The following FMN2 variants were observed in gnomAD, a reference collection of about 807,000 sequenced individuals.
FMN2 encodes formin 2.
In FMN2, 51 loss-of-function variants were observed where a neutral mutation model predicts 142.3. The observed-to-expected ratio is 0.36, with a 90% CI of 0.29 to 0.45. The LOEUF (loss-of-function observed/expected upper bound fraction) is 0.45. Among genes scored for constraint, FMN2 ranks in the 20% least tolerant of loss-of-function variants. FMN2 has a pLI of 1.00. For synonymous variants in FMN2, 882 were observed against 869.8 expected (o/e 1.01, Z -0.25); for missense variants, 1,936 against 2,122.8 (o/e 0.91, Z 1.73).
At chr1:240,130,512 C>T (rs867222714) in intron 2 of FMN2, among the ~76,000 whole-genome samples, 1 of 152,282 alleles carries the variant, frequency 6.6e-6, no homozygotes, top group Middle Eastern at 3.4e-3. Flanking sequence ...CTGTGTTGGC[C>T]AGGCTGGTCT....
At chr1:240,451,879 T>C (rs909218148) in intron 16 of FMN2, among the ~76,000 whole-genome samples, 11 of 152,086 alleles carry the variant, frequency 7.2e-5, no homozygotes, top group African/African-American at 2.7e-4. Context: ...TGTTTTATAA[T>C]GGACATCTAA....
chr1:240,091,937 C>T lies in FMN2; in HGVS notation c.-173C>T. The T allele has an allele frequency of 8.9e-7, 1 of 1,126,640 alleles. No individual in the cohort carries two copies. The highest frequency in any genetic ancestry group is 1.2e-6 in the Non-Finnish European group (1 of 850,634). 69.8% of individuals were successfully genotyped at this position (1,126,640 alleles called of 1,614,324 possible). On this transcript the variant is annotated 5_prime_UTR_variant, in exon 1 of 18. Coordinates refer to ENST00000319653, the MANE Select transcript of FMN2 (RefSeq NM_020066.5). ...GGGAGCCGCCGCGCATTATGCAAAG[C>T]GGCGGCAGATGCGAGCGGGGCCAGC...
At chr1:240,394,868 T>C (rs1673722370) in intron 15 of FMN2, among the ~76,000 whole-genome samples, 2 of 152,062 alleles carry the variant, frequency 1.3e-5, no homozygotes, top group Admixed American at 1.3e-4. Context: ...CTCAGAAGGC[T>C]GAGGCAGGAG....
At chr1:240,137,498 C>T (rs1454475170) in intron 2 of FMN2, among the ~76,000 whole-genome samples, 1 of 152,208 alleles carries the variant, frequency 6.6e-6, no homozygotes, top group Non-Finnish European at 1.5e-5. Context: ...TGGCTAGCCC[C>T]TGCTCTATAC....
Position 240,184,646 on chromosome 1 carries a change from T to C in FMN2, c.1931-3561T>C, listed in dbSNP as rs184605921. ...GGTTAGTCTTTGAAAATAATAACCA[T>C]TCTAGTGATGAATATTCGATGGAGA... On this transcript the variant is annotated intron_variant, in intron 3 of 17. Transcript: ENST00000319653. Among the ~76,000 whole-genome samples, 261 of 151,690 alleles carry C rather than the reference T, an allele frequency of 1.7e-3. 1 individual carries two copies. Among genetic ancestry groups the C allele is most frequent in the Admixed American group, 4.7e-3 (72 of 15,162 alleles).
intron 6 of FMN2, among the ~76,000 whole-genome samples, chr1:240,232,495 C>G (rs1667561770): frequency 6.6e-6 from 1 of 152,168 alleles, no homozygotes; most frequent in Non-Finnish European, 1.5e-5. Flanking sequence ...ATGTCAGCTT[C>G]TGATGTTTCT....
chr1:240,306,497 T>G (rs1670410680), intron 8 of FMN2, among the ~76,000 whole-genome samples: 1 of 152,160 alleles, frequency 6.6e-6, no homozygotes, highest in Admixed American at 6.5e-5. Flanking sequence ...TAACTCCTAC[T>G]TGTAAGTGAG....
chr1:240,165,874 G>C (rs1664461382), intron 2 of FMN2, among the ~76,000 whole-genome samples: 1 of 151,996 alleles, frequency 6.6e-6, no homozygotes, highest in African/African-American at 2.4e-5. Flanking sequence ...CCAAGTGAGA[G>C]GTGTTGGTAG....
intron 6 of FMN2, among the ~76,000 whole-genome samples, chr1:240,249,089 G>A (rs1001626755): frequency 6.6e-6 from 1 of 152,014 alleles, no homozygotes. Flanking sequence ...CTGTCCAGAA[G>A]CTTTTTAGCT....
intron 6 of FMN2, among the ~76,000 whole-genome samples, chr1:240,250,532 G>C (rs1558393301): frequency 2.0e-5 from 3 of 152,200 alleles, no homozygotes; most frequent in African/African-American, 4.8e-5. Flanking sequence ...TCAGGATATT[G>C]GCCTGTAGTT....
rs1367285078 is a variant in FMN2 at position 240,448,236 on chromosome 1, ATAAT to A, written c.5060+10029_5060+10032del. On this transcript the variant is annotated intron_variant, in intron 16 of 17. Coordinates refer to ENST00000319653, the MANE Select transcript of FMN2 (RefSeq NM_020066.5). ...TCAAAAAAGACCATCATCAACTTAGATAATTAGTCATTTGCAGTAGTTTGACTCT... is the reference window on the plus strand; with the variant it reads ...TCAAAAAAGACCATCATCAACTTAGATAGTCATTTGCAGTAGTTTGACTCT... 4.6e-5 allele frequency among the ~76,000 whole-genome samples: 7 copies of A among 152,314 alleles called. No individual in the cohort carries two copies. The East Asian group carries it at 1.2e-3, about 25-fold the overall frequency.
intron 1 of FMN2, among the ~76,000 whole-genome samples, chr1:240,100,176 CT>C (rs1262668141): frequency 1.3e-5 from 2 of 152,084 alleles, no homozygotes; most frequent in Non-Finnish European, 1.5e-5. Context: ...CTTTATAGAA[CT>C]TATGTTGATA....
Position 240,474,302 on chromosome 1 carries a change from A to G in FMN2, c.*148A>G, listed in dbSNP as rs1305764147. The G allele has an allele frequency of 2.9e-6, 2 of 693,532 alleles. No homozygotes were observed. Among genetic ancestry groups the G allele is most frequent in the East Asian group, 3.3e-5 (1 of 30,180 alleles). 43.0% of individuals were successfully genotyped at this position (693,532 alleles called of 1,614,324 possible). Reference sequence around the variant, plus strand: ...TTTTTGTTTTCTAGACAGTTCACTAATTGTTGAATTTTACTGTATATTCAT... The same window carrying G: ...TTTTTGTTTTCTAGACAGTTCACTAGTTGTTGAATTTTACTGTATATTCAT... On this transcript the variant is annotated 3_prime_UTR_variant, in exon 18 of 18. Coordinates refer to ENST00000319653, the MANE Select transcript of FMN2 (RefSeq NM_020066.5).
At chr1:240,124,160 A>G (rs1662407398) in intron 2 of FMN2, among the ~76,000 whole-genome samples, 1 of 152,238 alleles carries the variant, frequency 6.6e-6, no homozygotes, top group Non-Finnish European at 1.5e-5. Flanking sequence ...CGCTATGAAC[A>G]TGAGGTACAA....
intron 16 of FMN2, among the ~76,000 whole-genome samples, chr1:240,440,559 C>G (rs915838284): frequency 6.6e-6 from 1 of 152,166 alleles, no homozygotes; most frequent in Admixed American, 6.5e-5. Flanking sequence ...TTTGGGTTCA[C>G]ACTTGGTGAA....
At chr1:240,242,137 GC>G (rs1227511938) in intron 6 of FMN2, among the ~76,000 whole-genome samples, 1 of 152,104 alleles carries the variant, frequency 6.6e-6, no homozygotes, top group African/African-American at 2.4e-5. Flanking sequence ...GAGCCACCGC[GC>G]CCGGCTAGTG....
At chr1:240,386,012 T>C (rs1673395073) in intron 14 of FMN2, among the ~76,000 whole-genome samples, 1 of 152,192 alleles carries the variant, frequency 6.6e-6, no homozygotes, top group East Asian at 1.9e-4. Context: ...CTAGGAGTAT[T>C]CCACAACATT....
At chr1:240,434,557 T>A (rs1409447393) in intron 15 of FMN2, among the ~76,000 whole-genome samples, 1 of 151,226 alleles carries the variant, frequency 6.6e-6, no homozygotes, top group Non-Finnish European at 1.5e-5. Flanking sequence ...TGTTTTTTGT[T>A]TTTTTTTGTT....
rs1673638198 is a variant in FMN2, at chr1:240,392,533, G to A, written c.4881G>A (p.Glu1627=). The A allele has an allele frequency of 6.2e-7, 1 of 1,609,474 alleles. No individual in the cohort carries two copies. Among genetic ancestry groups the A allele is most frequent in the Non-Finnish European group, 8.5e-7 (1 of 1,177,914 alleles). Residue 1627 remains glutamate (E), a synonymous_variant, in exon 15 of 18, where the codon GAG becomes GAA. Coordinates refer to ENST00000319653, the MANE Select transcript of FMN2 (RefSeq NM_020066.5). ...CAGCCAAAATTGACCAAGAGGCAGA[G>A]GAAAATTCACTGACAGAGACTCATA... ...IIQAKIDQEA[E]ENSLTETHKC...
Sources: gnomAD v4.1 joint callset for allele counts (sites outside exome capture counted in the v4.1 genomes callset) on GRCh38, gnomAD v4.1.1 for gene constraint, MANE v1.5 for transcripts, NCBI Gene and HGNC (gene_info 2026-07-23, HGNC 2026-07-21) for gene names.